The following FPR3 variants were observed in gnomAD, a reference collection of about 807,000 sequenced individuals.
FPR3 encodes formyl peptide receptor 3.
For synonymous variants in FPR3, 135 were observed against 163.6 expected (o/e 0.83, Z 1.34); for missense variants, 346 against 443.2 (o/e 0.78, Z 1.97).
chr19:51,817,133 T>C (rs1024763991), intron 1 of FPR3, among the ~76,000 whole-genome samples: 1 of 152,120 alleles, frequency 6.6e-6, no homozygotes, highest in African/African-American at 2.4e-5. Flanking sequence ...TTTGATGACA[T>C]CTCCAAGGTG....
chr19:51,814,745 G>A (rs972014331), intron 1 of FPR3, among the ~76,000 whole-genome samples: 4 of 151,910 alleles, frequency 2.6e-5, no homozygotes, highest in African/African-American at 7.3e-5. Context: ...TGCCCACCTC[G>A]GCCTCCCAAA....
intron 1 of FPR3, among the ~76,000 whole-genome samples, chr19:51,806,027 A>G (rs1387539173): frequency 6.6e-6 from 1 of 152,218 alleles, no homozygotes; most frequent in Non-Finnish European, 1.5e-5. Flanking sequence ...TCAACTGGGT[A>G]TTGTTTACCT....
intron 1 of FPR3, among the ~76,000 whole-genome samples, chr19:51,812,797 A>G (rs1267138658): frequency 1.3e-5 from 2 of 152,202 alleles, no homozygotes; most frequent in African/African-American, 4.8e-5. Context: ...GTACTATAAC[A>G]AAATTTATTA....
intron 1 of FPR3, among the ~76,000 whole-genome samples, chr19:51,799,772 A>T (rs1568426520): frequency 6.6e-6 from 1 of 152,340 alleles, no homozygotes; most frequent in East Asian, 1.9e-4. Context: ...CCTTTCTGGG[A>T]TCAGGCCCCT....
chr19:51,806,647 G>A (rs2084060839), intron 1 of FPR3, among the ~76,000 whole-genome samples: 1 of 152,200 alleles, frequency 6.6e-6, no homozygotes, highest in African/African-American at 2.4e-5. Flanking sequence ...AAAGCTGTAG[G>A]AAATTTTGAA....
chr19:51,806,074 G>T (rs1031160135), intron 1 of FPR3, among the ~76,000 whole-genome samples: 5 of 152,156 alleles, frequency 3.3e-5, no homozygotes, highest in African/African-American at 1.2e-4. Context: ...AAGACATAAG[G>T]ATTAAAAACA....
intron 1 of FPR3, among the ~76,000 whole-genome samples, chr19:51,800,263 C>T (rs1754405210): frequency 6.6e-6 from 1 of 152,204 alleles, no homozygotes; most frequent in Admixed American, 6.5e-5. Context: ...GATCGGGTCA[C>T]CCTGGAAAGA....
intron 1 of FPR3, among the ~76,000 whole-genome samples, chr19:51,802,489 GC>G (rs2084031280): frequency 6.6e-6 from 1 of 152,188 alleles, no homozygotes; most frequent in East Asian, 1.9e-4. Flanking sequence ...ATACTTCCAT[GC>G]CCCCCAATTT....
At chr19:51,810,869 T>C (rs1256012779) in intron 1 of FPR3, among the ~76,000 whole-genome samples, 1 of 152,150 alleles carries the variant, frequency 6.6e-6, no homozygotes, top group Non-Finnish European at 1.5e-5. Context: ...GATCAGGCCT[T>C]ATGGAAATAG....
chr19:51,800,594 G>A (rs73579480), intron 1 of FPR3, among the ~76,000 whole-genome samples: 3,110 of 152,288 alleles, frequency 0.02, 114 homozygotes, highest in African/African-American at 0.071. Context: ...TTGCCCGGCA[G>A]AGTGTGATAA....
chr19:51,814,954 C>T (rs1246438884), intron 1 of FPR3, among the ~76,000 whole-genome samples: 2 of 152,050 alleles, frequency 1.3e-5, no homozygotes, highest in Admixed American at 6.5e-5. Context: ...GGACTACAGC[C>T]GCCTGCCACC....
chr19:51,824,531 C>T lies in FPR3; in HGVS notation c.783C>T (p.Gly261=), dbSNP rs3752125. The T allele has an allele frequency of 0.29, 469,038 of 1,613,680 alleles. 70,208 individuals carry two copies. The highest frequency in any genetic ancestry group is 0.34 in the Admixed American group (20,402 of 59,990). Residue 261 remains glycine (G), a synonymous_variant, in exon 2 of 2, where the codon GGC becomes GGT. Transcript: ENST00000339223. The surrounding 1 kb of genome is among the most constrained non-coding windows in gnomAD (Gnocchi z 4.7). ...FICWFPYELI[G]ILMAVWLKEM... is the part of the protein sequence containing the mutation. ...GTTGGTTCCCTTATGAACTAATTGG[C>T]ATTCTAATGGCAGTCTGGCTCAAAG...
At chr19:51,819,775 A>G (rs1007615422) in intron 1 of FPR3, among the ~76,000 whole-genome samples, 2 of 152,220 alleles carry the variant, frequency 1.3e-5, no homozygotes, top group Non-Finnish European at 2.9e-5. Flanking sequence ...TCTTAAAGAA[A>G]TAGGGTTGAA....
Position 51,825,845 on chromosome 19 carries a change from T to G in FPR3, c.*1035T>G, listed in dbSNP as rs935384141. 3 of 167,088 alleles carry G rather than the reference T, an allele frequency of 1.8e-5. No homozygotes were observed. Among genetic ancestry groups the G allele is most frequent in the African/African-American group, 7.2e-5 (3 of 41,518 alleles). The allele number at this position is 167,088 out of a possible 1,614,324, so 10.4% of individuals were successfully genotyped here. A position where few individuals can be genotyped will look rare whatever the true frequency, so the allele number is the denominator to read the frequency against. ...AGACTAAGTGGAAGTGGGAAAAGAG[T>G]ACAAGAGAAGAGACAAAGTGGGGAT... On this transcript the variant is annotated 3_prime_UTR_variant, in exon 2 of 2. Coordinates refer to ENST00000339223, the MANE Select transcript of FPR3 (RefSeq NM_002030.5).
chr19:51,807,465 A>G (rs2084067630), intron 1 of FPR3, among the ~76,000 whole-genome samples: 1 of 152,176 alleles, frequency 6.6e-6, no homozygotes, highest in South Asian at 2.1e-4. Context: ...GTCACGTCCC[A>G]TGGGCCTTCG....
intron 1 of FPR3, among the ~76,000 whole-genome samples, chr19:51,808,390 G>T (rs547622020): frequency 6.6e-6 from 1 of 152,288 alleles, no homozygotes; most frequent in South Asian, 2.1e-4. Flanking sequence ...GTCAAAGCCT[G>T]CTTTGTTTCT....
chr19:51,810,022 C>A (rs1157306272), intron 1 of FPR3, among the ~76,000 whole-genome samples: 1 of 152,134 alleles, frequency 6.6e-6, no homozygotes, highest in African/African-American at 2.4e-5. Flanking sequence ...AAAGTCCTGG[C>A]ATTTTTTCCA....
chr19:51,797,452 G>C (rs1349459016), intron 1 of FPR3, among the ~76,000 whole-genome samples: 1 of 152,118 alleles, frequency 6.6e-6, no homozygotes, highest in Non-Finnish European at 1.5e-5. Flanking sequence ...GTGATAGAAT[G>C]ATCTAGTAGA....
intron 1 of FPR3, among the ~76,000 whole-genome samples, chr19:51,796,989 C>T (rs1377594030): frequency 6.6e-6 from 1 of 152,134 alleles, no homozygotes; most frequent in African/African-American, 2.4e-5. Context: ...ATAGAAAACA[C>T]CGTAAATTGG....
Sources: gnomAD v4.1 joint callset for allele counts (sites outside exome capture counted in the v4.1 genomes callset) on GRCh38, gnomAD v4.1.1 for gene constraint, Gnocchi (gnomAD v3.1) non-coding constraint, MANE v1.5 for transcripts, NCBI Gene and HGNC (gene_info 2026-07-23, HGNC 2026-07-21) for gene names.